Variants in SLC12A8 observed in about 807,000 individuals in gnomAD.
SLC12A8 encodes solute carrier family 12 member 8.
Under a neutral mutation model 75.6 loss-of-function variants are expected in SLC12A8, and 69 were observed. The ratio of observed to expected loss-of-function variants is 0.91; its 90% confidence interval spans 0.75 to 1.11. The LOEUF is 1.11. Ranked by LOEUF, SLC12A8 falls within the 50% of genes most tolerant of loss-of-function variation. SLC12A8 has a pLI of 0.00. For missense variants in SLC12A8, 877 were observed against 896.7 expected, an observed-to-expected ratio of 0.98 and a Z score of 0.28; for synonymous variants, 365 against 372.8, an observed-to-expected ratio of 0.98 and a Z score of 0.24.
At chr3:125,122,469 A>G (rs1933088996) in intron 6 of SLC12A8, among the ~76,000 whole-genome samples, 1 of 152,234 alleles carries the variant, frequency 6.6e-6, no homozygotes, top group African/African-American at 2.4e-5. Flanking sequence ...TCCCATAAGC[A>G]AAGAGAAGTT....
At chr3:125,133,344 TACACACACACAC>T (rs374385025) in intron 6 of SLC12A8, among the ~76,000 whole-genome samples, 4 of 149,176 alleles carry the variant, frequency 2.7e-5, no homozygotes, top group African/African-American at 9.8e-5. Context: ...TAATCAGGAA[TACACACACACAC>T]ACACACGCAC....
chr3:125,129,045 G>A (rs1933288567), intron 6 of SLC12A8, among the ~76,000 whole-genome samples: 1 of 152,232 alleles, frequency 6.6e-6, no homozygotes, highest in African/African-American at 2.4e-5. Flanking sequence ...GAAGGTGACT[G>A]TGGACATTTC....
chr3:125,208,785 C>CAGAGAGAGAGAG (rs1560087653), intron 2 of SLC12A8, among the ~76,000 whole-genome samples: 3 of 98,604 alleles, frequency 3.0e-5, no homozygotes, highest in South Asian at 3.4e-4. Context: ...CACACACACA[C>CAGAGAGAGAGAG]ACACACAGAG....
intron 2 of SLC12A8, among the ~76,000 whole-genome samples, chr3:125,191,054 C>T (rs1452974920): frequency 4.6e-5 from 7 of 152,196 alleles, no homozygotes; most frequent in South Asian, 2.1e-4. Flanking sequence ...CTTACTGAAG[C>T]GCTCTTTGCT....
In SLC12A8 at chr3:125,168,538, G is replaced by A. The variant is rs187821664; in HGVS notation, c.622+9205C>T. Among the ~76,000 whole-genome samples the A allele has an allele frequency of 3.3e-5, 5 of 152,330 alleles. No homozygotes were observed. In the East Asian group the frequency reaches 5.8e-4, roughly 18 times the overall value. On this transcript the variant is annotated intron_variant, in intron 5 of 13. Transcript: ENST00000469902. ...AGGAAAAAGGCACAAAAACAGTGACGTGATAGCAGAGGACTGAGCCCCGTG... is the reference window on the plus strand; with the variant it reads ...AGGAAAAAGGCACAAAAACAGTGACATGATAGCAGAGGACTGAGCCCCGTG...
intron 10 of SLC12A8, among the ~76,000 whole-genome samples, chr3:125,101,982 C>G (rs540150808): frequency 5.9e-5 from 9 of 152,180 alleles, no homozygotes; most frequent in African/African-American, 1.9e-4. Context: ...ATCTGACAAT[C>G]TAGTGGCAAA....
At chr3:125,101,502 C>T (rs1211772812) in intron 10 of SLC12A8, among the ~76,000 whole-genome samples, 1 of 152,156 alleles carries the variant, frequency 6.6e-6, no homozygotes, top group African/African-American at 2.4e-5. Flanking sequence ...AAATAATACG[C>T]TTTGGAAGGT....
intron 10 of SLC12A8, among the ~76,000 whole-genome samples, chr3:125,101,159 T>C (rs1160133119): frequency 6.6e-6 from 1 of 152,210 alleles, no homozygotes; most frequent in East Asian, 1.9e-4. Flanking sequence ...GACAGTCAGA[T>C]TGACCTGGGT....
At chr3:125,117,186 A>G (rs958282475) in intron 8 of SLC12A8, among the ~76,000 whole-genome samples, 1 of 152,208 alleles carries the variant, frequency 6.6e-6, no homozygotes, top group Admixed American at 6.5e-5. Context: ...AAGCTCAAAC[A>G]TATCTCTCAA....
chr3:125,127,906 A>G (rs1465910512), intron 6 of SLC12A8, among the ~76,000 whole-genome samples: 1 of 152,156 alleles, frequency 6.6e-6, no homozygotes, highest in East Asian at 1.9e-4. Context: ...GAGACGGAAT[A>G]TCACTTTGTC....
rs3222429 is a variant in SLC12A8, at chr3:125,098,554, C to CCACACACACA, written c.1706-6366_1706-6357dup. Among the ~76,000 whole-genome samples, 117 of 144,022 alleles carry CCACACACACA rather than the reference C, an allele frequency of 8.1e-4. 1 individual carries two copies. Among genetic ancestry groups the CCACACACACA allele is most frequent in the East Asian group, 1.8e-3 (9 of 4,896 alleles). 94.5% of individuals were successfully genotyped at this position (144,022 alleles called of 152,430 possible). A position where few individuals can be genotyped will look rare whatever the true frequency, so the allele number is the denominator to read the frequency against. On this transcript the variant is annotated intron_variant, in intron 10 of 13. Coordinates refer to ENST00000469902, the MANE Select transcript of SLC12A8 (RefSeq NM_024628.6). ...GTATGAAGAGGTCAGTGAATCTTCTCCACACACACACACACACACACACAC... is the reference window on the plus strand; with the variant it reads ...GTATGAAGAGGTCAGTGAATCTTCTCCACACACACACACACACACACACACACACACACAC...
intron 6 of SLC12A8, among the ~76,000 whole-genome samples, chr3:125,122,570 A>T (rs1933091821): frequency 6.6e-6 from 1 of 152,230 alleles, no homozygotes; most frequent in African/African-American, 2.4e-5. Flanking sequence ...AGGAAAAGAG[A>T]AGGAAAGAAA....
intron 6 of SLC12A8, among the ~76,000 whole-genome samples, chr3:125,131,616 G>A (rs1411775886): frequency 6.6e-6 from 1 of 152,098 alleles, no homozygotes. Flanking sequence ...TCAAACTCCC[G>A]GGCTCAAGTG....
intron 4 of SLC12A8, among the ~76,000 whole-genome samples, chr3:125,178,343 G>T (rs748384164): frequency 2.0e-5 from 3 of 152,036 alleles, no homozygotes; most frequent in African/African-American, 4.8e-5. Flanking sequence ...CACACAGGGG[G>T]TCCCATCTAC....
intron 5 of SLC12A8, among the ~76,000 whole-genome samples, chr3:125,160,411 A>G (rs1372865056): frequency 3.3e-5 from 5 of 152,250 alleles, no homozygotes; most frequent in African/African-American, 9.6e-5. Context: ...GTAATGCTCA[A>G]TAAAGGTTAG....
intron 5 of SLC12A8, among the ~76,000 whole-genome samples, chr3:125,137,042 T>C (rs2107761847): frequency 6.6e-6 from 1 of 152,250 alleles, no homozygotes; most frequent in South Asian, 2.1e-4. Context: ...TATTCAGCTG[T>C]CACTCCATAG....
At chr3:125,147,367 G>C (rs1319230899) in intron 5 of SLC12A8, among the ~76,000 whole-genome samples, 4 of 152,218 alleles carry the variant, frequency 2.6e-5, no homozygotes, top group African/African-American at 9.6e-5. Flanking sequence ...TGTGGGGCTG[G>C]CAGGGGCACT....
intron 5 of SLC12A8, among the ~76,000 whole-genome samples, chr3:125,147,356 T>C (rs1402515514): frequency 6.6e-6 from 1 of 152,160 alleles, no homozygotes; most frequent in Non-Finnish European, 1.5e-5. Flanking sequence ...CCGCTTCCCT[T>C]TGTGGGGCTG....
At chr3:125,117,285 A>C (rs533634106) in intron 8 of SLC12A8, among the ~76,000 whole-genome samples, 32 of 152,070 alleles carry the variant, frequency 2.1e-4, no homozygotes, top group Non-Finnish European at 3.5e-4. Flanking sequence ...GCCTCACACC[A>C]AGAGAAAATG....
Sources: gnomAD v4.1 joint callset for allele counts (sites outside exome capture counted in the v4.1 genomes callset) on GRCh38, gnomAD v4.1.1 for gene constraint, MANE v1.5 for transcripts, NCBI Gene and HGNC (gene_info 2026-07-23, HGNC 2026-07-21) for gene names.